The following TCAIM variants were observed in gnomAD, a reference collection of about 807,000 sequenced individuals.
TCAIM encodes the protein T cell activation inhibitor, mitochondrial.
Under a neutral mutation model 58.6 loss-of-function variants are expected in TCAIM, and 36 were observed. The ratio of observed to expected loss-of-function variants is 0.61; its 90% CI spans 0.47 to 0.81. The LOEUF (loss-of-function observed/expected upper bound fraction) is 0.81, where lower values mean the gene tolerates loss of function less well. TCAIM is among the 30% of genes least tolerant of loss of function. The pLI, the probability that TCAIM is intolerant of heterozygous loss-of-function variation, is 0.00. For missense variants in TCAIM, 466 were observed against 579.6 expected (o/e 0.80, Z 2.01); for synonymous variants, 172 against 193.6 (o/e 0.89, Z 0.93).
chr3:44,398,955 A>G (rs1056507261), intron 8 of TCAIM, among the ~76,000 whole-genome samples: 1 of 152,160 alleles, frequency 6.6e-6, no homozygotes, highest in Non-Finnish European at 1.5e-5. Flanking sequence ...TTTACATAAC[A>G]CCCTTGAAAT....
chr3:44,363,920 CTTTTTTTTT>C (rs56361211), intron 4 of TCAIM, among the ~76,000 whole-genome samples: 12 of 67,414 alleles, frequency 1.8e-4, no homozygotes, highest in East Asian at 7.5e-4. Flanking sequence ...GCAAGTCTGT[CTTTTTTTTT>C]TTTTTTTTTT....
rs533493078 is a variant in TCAIM at position 44,343,030 on chromosome 3, G to A, written c.-45+4196G>A. Among the ~76,000 whole-genome samples the A allele has an allele frequency of 5.3e-5, 8 of 152,030 alleles. No homozygotes were observed. The South Asian group carries it at 1.7e-3, about 31-fold the overall frequency. On this transcript the variant is annotated intron_variant, in intron 1 of 10. Coordinates refer to ENST00000342649, the MANE Select transcript of TCAIM (RefSeq NM_173826.4). ...CAGGCGACTGTAATCCCAGCTACTC[G>A]GGAAGCTGAGGCACGAGAATCGCTT...
chr3:44,376,608 C>CA (rs1053055172), intron 5 of TCAIM, among the ~76,000 whole-genome samples: 39 of 149,572 alleles, frequency 2.6e-4, no homozygotes, highest in African/African-American at 8.4e-4. Context: ...TGTTTTGCCA[C>CA]AAAAAAAATA....
At position 44,392,848 on chromosome 3, in the gene TCAIM, T is replaced by C; in HGVS notation, c.573-7T>C. The C allele has an allele frequency of 6.2e-7, 1 of 1,610,670 alleles. No individual in the cohort carries two copies. The highest frequency in any genetic ancestry group is 8.5e-7 in the Non-Finnish European group (1 of 1,178,356). On this transcript the variant is annotated splice_polypyrimidine_tract_variant and splice_region_variant and intron_variant, in intron 5 of 10. Transcript: ENST00000342649. ...GTATTGTAAAGTATGTATCTCTCTC[T>C]TTCTAGATCCTGGTTAGATAACAAT...
chr3:44,372,222 G>T (rs542366847), intron 5 of TCAIM, among the ~76,000 whole-genome samples: 6 of 152,132 alleles, frequency 3.9e-5, no homozygotes, highest in Non-Finnish European at 8.8e-5. Context: ...CTCATGTATA[G>T]CAAGAGAAAA....
chr3:44,393,803 T>C (rs1027957697), intron 6 of TCAIM, among the ~76,000 whole-genome samples: 4 of 152,154 alleles, frequency 2.6e-5, no homozygotes, highest in Non-Finnish European at 4.4e-5. Flanking sequence ...TATTTGAGTT[T>C]AAAAAGAGGA....
chr3:44,344,935 A>G (rs1700934604), intron 1 of TCAIM, among the ~76,000 whole-genome samples: 1 of 152,180 alleles, frequency 6.6e-6, no homozygotes, highest in African/African-American at 2.4e-5. Context: ...CAGTTAAAGC[A>G]GGAACCGGCC....
At chr3:44,345,519 T>C (rs995075970) in intron 1 of TCAIM, among the ~76,000 whole-genome samples, 3 of 152,180 alleles carry the variant, frequency 2.0e-5, no homozygotes, top group Admixed American at 2.0e-4. Context: ...CTTCGTTTAA[T>C]ATACAGAGTC....
At chr3:44,347,481 G>C (rs1022908692) in intron 1 of TCAIM, among the ~76,000 whole-genome samples, 1 of 152,182 alleles carries the variant, frequency 6.6e-6, no homozygotes, top group Non-Finnish European at 1.5e-5. Flanking sequence ...GGGAGGAGGA[G>C]TGCAGGGGAA....
chr3:44,396,930 G>GTGTTTT (rs941113185), intron 8 of TCAIM, 96 bp downstream of exon 8: 6 of 1,259,510 alleles, frequency 4.8e-6, no homozygotes, highest in Non-Finnish European at 6.6e-6. Context: ...AAGGTTTGTT[G>GTGTTTT]TGTTTTTGTT....
intron 5 of TCAIM, among the ~76,000 whole-genome samples, chr3:44,377,130 T>C (rs949666501): frequency 3.9e-5 from 6 of 152,088 alleles, no homozygotes; most frequent in Non-Finnish European, 7.4e-5. Context: ...GATTCAACTA[T>C]ATGCCATCTA....
At chr3:44,379,514 C>T (rs1701621984) in intron 5 of TCAIM, among the ~76,000 whole-genome samples, 2 of 152,174 alleles carry the variant, frequency 1.3e-5, no homozygotes, top group Admixed American at 1.3e-4. Flanking sequence ...AAATGTGGTA[C>T]ATATACCTAA....
At chr3:44,365,757 G>A (rs571107299) in intron 4 of TCAIM, among the ~76,000 whole-genome samples, 21 of 152,322 alleles carry the variant, frequency 1.4e-4, no homozygotes, top group Admixed American at 7.8e-4. Flanking sequence ...CTAGCCCCGC[G>A]TGCTTATTGA....
intron 1 of TCAIM, chr3:44,339,816 T>C (rs949561343): frequency 1.3e-5 from 2 of 152,226 alleles, no homozygotes; most frequent in African/African-American, 2.4e-5. Flanking sequence ...TTTATACTTA[T>C]CTGCTTGTGT....
chr3:44,345,768 ACCCTGC>A (rs1403916026), intron 1 of TCAIM, among the ~76,000 whole-genome samples: 1 of 152,144 alleles, frequency 6.6e-6, no homozygotes, highest in Non-Finnish European at 1.5e-5. Flanking sequence ...ATTGGAGTGT[ACCCTGC>A]CAGCAAGATC....
At position 44,344,118 on chromosome 3, in the gene TCAIM, C is replaced by T. The variant is rs774907517; in HGVS notation, c.-45+5284C>T. Among the ~76,000 whole-genome samples, 4 of 150,534 alleles carry T rather than the reference C, an allele frequency of 2.7e-5. No homozygotes were observed. In the East Asian group the frequency reaches 5.9e-4, roughly 22 times the overall value. ...CTCACTGCAAACTCCACCTCCCAGG[C>T]TCAAGGCCTCAGCCTCCCAAGTAGC... is the stretch of plus-strand genomic sequence containing the variant. On this transcript the variant is annotated intron_variant, in intron 1 of 10. Transcript: ENST00000342649.
At chr3:44,348,779 C>T (rs1022277384) in intron 1 of TCAIM, among the ~76,000 whole-genome samples, 33 of 152,180 alleles carry the variant, frequency 2.2e-4, no homozygotes, top group African/African-American at 7.2e-4. Flanking sequence ...GGCAGTAAAG[C>T]GTCTAAAGGT....
intron 5 of TCAIM, among the ~76,000 whole-genome samples, chr3:44,380,020 A>G (rs993954020): frequency 1.2e-4 from 19 of 152,144 alleles, no homozygotes; most frequent in African/African-American, 2.7e-4. Context: ...TAACCTGCAC[A>G]TGAGCCCCAG....
chr3:44,387,643 C>T lies in TCAIM; in HGVS notation c.573-5212C>T, dbSNP rs540046651. Among the ~76,000 whole-genome samples the T allele has an allele frequency of 2.4e-4, 36 of 152,380 alleles. No homozygotes were observed. In the South Asian group the frequency reaches 6.6e-3, roughly 28 times the overall value. ...GCTGGACCCTGCGCTCACTCACACA[C>T]CCCTTGCCACTCTGTGCCTGGCTGG... On this transcript the variant is annotated intron_variant, in intron 5 of 10. Coordinates refer to ENST00000342649, the MANE Select transcript of TCAIM (RefSeq NM_173826.4).
Sources: allele counts gnomAD v4.1 joint callset (sites outside exome capture counted in the v4.1 genomes callset), GRCh38; gene constraint gnomAD v4.1.1; transcripts MANE v1.5; gene names NCBI Gene and HGNC (gene_info 2026-07-23, HGNC 2026-07-21).